RIGI: variants seen among roughly 807,000 people sequenced by gnomAD.
RIGI encodes antiviral innate immune response receptor RIG-I.
At chr9:32,485,491 T>G in the RIGI span, 1 of 643,252 alleles carries the variant, frequency 1.6e-6, no homozygotes, top group African/African-American at 1.9e-5. Flanking sequence ...CTTGTACTGA[T>G]TCTAACACCT....
chr9:32,473,554 G>C, the RIGI span, among the ~76,000 whole-genome samples: 3 of 152,006 alleles, frequency 2.0e-5, no homozygotes, highest in African/African-American at 7.2e-5. Context: ...CAAAGTGCTG[G>C]GATTACAGGC....
chr9:32,463,525 A>G, the RIGI span, among the ~76,000 whole-genome samples: 1 of 152,264 alleles, frequency 6.6e-6, no homozygotes, highest in African/African-American at 2.4e-5. Flanking sequence ...TTATATACTG[A>G]AATTCAATTA....
chr9:32,474,194 C>G, the RIGI span, among the ~76,000 whole-genome samples: 1 of 127,174 alleles, frequency 7.9e-6, no homozygotes, highest in Middle Eastern at 4.2e-3. Flanking sequence ...GAGAGTGAGA[C>G]CCTGTCTCAA....
At chr9:32,489,661 G>T in the RIGI span, among the ~76,000 whole-genome samples, 1 of 136,530 alleles carries the variant, frequency 7.3e-6, no homozygotes, top group Admixed American at 7.3e-5. Flanking sequence ...TGGCAAGAAA[G>T]AAAAAAAAAA....
the RIGI span, chr9:32,467,886 G>A: frequency 4.3e-6 from 7 of 1,612,894 alleles, no homozygotes; most frequent in Admixed American, 3.3e-5. Context: ...GATCTCCACT[G>A]GCTTTGAATG....
chr9:32,482,487 T>C, the RIGI span, among the ~76,000 whole-genome samples: 3,938 of 152,038 alleles, frequency 0.026, 170 homozygotes, highest in African/African-American at 0.088. Flanking sequence ...ACAGTAGACA[T>C]GAAAAACCCA....
At chr9:32,505,052 AT>A in the RIGI span, among the ~76,000 whole-genome samples, 24 of 143,240 alleles carry the variant, frequency 1.7e-4, no homozygotes, top group Non-Finnish European at 1.5e-4. Flanking sequence ...ATAATATATA[AT>A]TTTATACATT....
At chr9:32,472,210 A>G in the RIGI span, among the ~76,000 whole-genome samples, 1 of 152,210 alleles carries the variant, frequency 6.6e-6, no homozygotes, top group Non-Finnish European at 1.5e-5. Context: ...AAAGAATAAC[A>G]ATAAAACAGA....
At chr9:32,487,659 G>A in the RIGI span, 2 of 1,606,828 alleles carry the variant, frequency 1.2e-6, no homozygotes, top group East Asian at 2.2e-5. Flanking sequence ...AAAATCATTA[G>A]ATGTCTGAGA....
the RIGI span, chr9:32,498,192 G>A: frequency 2.3e-6 from 1 of 440,292 alleles, no homozygotes; most frequent in South Asian, 1.6e-5. Context: ...GATGTGCAGT[G>A]AGAGTTTTCA....
chr9:32,523,091 T>C, the RIGI span, among the ~76,000 whole-genome samples: 1 of 152,176 alleles, frequency 6.6e-6, no homozygotes, highest in Non-Finnish European at 1.5e-5. Context: ...TTATATTTCT[T>C]TCCTTCTATC....
chr9:32,524,670 C>T, the RIGI span, among the ~76,000 whole-genome samples: 6 of 125,574 alleles, frequency 4.8e-5, no homozygotes, highest in Non-Finnish European at 7.8e-5. Flanking sequence ...TGCAGTGGTG[C>T]GATCTCACCA....
the RIGI span, among the ~76,000 whole-genome samples, chr9:32,507,828 T>G: frequency 1.3e-5 from 2 of 152,130 alleles, no homozygotes; most frequent in East Asian, 3.9e-4. Flanking sequence ...TTATTTTTTA[T>G]GTTATTAGAC....
At chr9:32,488,783 C>G in the RIGI span, 1 of 1,613,136 alleles carries the variant, frequency 6.2e-7, no homozygotes, top group Non-Finnish European at 8.5e-7. Flanking sequence ...TGTTCATACA[C>G]TGGGATCTGA....
chr9:32,485,464 A>G, the RIGI span: 14 of 644,788 alleles, frequency 2.2e-5, no homozygotes, highest in East Asian at 5.6e-5. Context: ...TCAAAATGCA[A>G]TGGCTCCCTG....
At chr9:32,514,616 C>T in the RIGI span, among the ~76,000 whole-genome samples, 2 of 152,078 alleles carry the variant, frequency 1.3e-5, no homozygotes, top group Non-Finnish European at 2.9e-5. Flanking sequence ...AGAAGAAATA[C>T]CTAATGGAGA....
chr9:32,456,907 C>T, the RIGI span: 1 of 498,580 alleles, frequency 2.0e-6, no homozygotes, highest in Non-Finnish European at 3.5e-6. Context: ...TTAATTTTTC[C>T]CAAGTACTAT....
the RIGI span, among the ~76,000 whole-genome samples, chr9:32,509,641 C>T: frequency 6.6e-6 from 1 of 152,194 alleles, no homozygotes; most frequent in South Asian, 2.1e-4. Flanking sequence ...TGAGGAAACG[C>T]CAGTGCAAAA....
the RIGI span, among the ~76,000 whole-genome samples, chr9:32,490,718 C>T: frequency 2.6e-5 from 4 of 152,142 alleles, no homozygotes; most frequent in African/African-American, 9.7e-5. Flanking sequence ...CTTTGAGAAG[C>T]ATAAGGGGGC....
Sources: gnomAD v4.1 joint callset for allele counts (sites outside exome capture counted in the v4.1 genomes callset) on GRCh38, gnomAD v4.1.1 for gene constraint, MANE v1.5 for transcripts, NCBI Gene and HGNC (gene_info 2026-07-23, HGNC 2026-07-21) for gene names.